The following OR5K1 variants were observed in gnomAD, a reference collection of about 807,000 sequenced individuals.
OR5K1 encodes olfactory receptor 5K1.
In OR5K1, 7 loss-of-function variants were observed where a neutral mutation model predicts 10.4. That is an observed-to-expected ratio of 0.67 (90% CI 0.38 to 1.26). The LOEUF is 1.26. OR5K1 is among the 50% of genes most tolerant of loss of function. The pLI is 0.02. For missense variants in OR5K1, 435 were observed against 366.2 expected (o/e 1.19, Z -1.53); for synonymous variants, 135 against 128.5 (o/e 1.05, Z -0.34).
At position 98,470,590 on chromosome 3, in the gene OR5K1, A is replaced by T. The variant is rs1230453630; in HGVS notation, c.*87A>T. On this transcript the variant is annotated 3_prime_UTR_variant, in exon 2 of 2. Transcript: ENST00000642057. ...ACTTCCATGTGAAATTACACAGGGG[A>T]AATGCATAAATTATAAGTAAAATTT... The T allele has an allele frequency of 2.8e-6, 2 of 704,460 alleles. No individual in the cohort carries two copies. The highest frequency in any genetic ancestry group is 4.6e-6 in the Non-Finnish European group (2 of 433,800). 43.6% of individuals were successfully genotyped at this position (704,460 alleles called of 1,614,324 possible).
intron 1 of OR5K1, among the ~76,000 whole-genome samples, chr3:98,468,164 G>A (rs537049683): frequency 1.1e-4 from 16 of 151,638 alleles, no homozygotes; most frequent in East Asian, 9.7e-4. Flanking sequence ...CCCCACTTCC[G>A]TCCACATTCC....
At chr3:98,468,970 G>A (rs1391468234) in intron 1 of OR5K1, among the ~76,000 whole-genome samples, 1 of 152,018 alleles carries the variant, frequency 6.6e-6, no homozygotes, top group Non-Finnish European at 1.5e-5. Flanking sequence ...AAGATAATCT[G>A]ATGTATTTCT....
chr3:98,463,832 C>A (rs1329118264), intron 1 of OR5K1, among the ~76,000 whole-genome samples: 1 of 151,876 alleles, frequency 6.6e-6, no homozygotes, highest in Non-Finnish European at 1.5e-5. Flanking sequence ...TCTATCTGAC[C>A]AATGGACAAC....
chr3:98,465,358 C>A (rs1401356482), intron 1 of OR5K1, among the ~76,000 whole-genome samples: 3 of 152,112 alleles, frequency 2.0e-5, no homozygotes, highest in African/African-American at 7.2e-5. Context: ...ACATTTATTT[C>A]ATCATAACTT....
intron 1 of OR5K1, among the ~76,000 whole-genome samples, chr3:98,465,262 A>G (rs1292466111): frequency 1.2e-4 from 19 of 152,080 alleles, no homozygotes. Context: ...TACATAACGT[A>G]TTTCTATCTA....
intron 1 of OR5K1, 78 bp from the exon 2 acceptor site, chr3:98,469,488 T>C: frequency 7.3e-7 from 1 of 1,363,804 alleles, no homozygotes; most frequent in Non-Finnish European, 1.0e-6. Flanking sequence ...GATGCTCTCC[T>C]TCCTTTAAGC....
At chr3:98,466,054 C>T (rs1026072990) in intron 1 of OR5K1, among the ~76,000 whole-genome samples, 15 of 152,032 alleles carry the variant, frequency 9.9e-5, no homozygotes, top group East Asian at 5.8e-4. Context: ...CCCGGTCCCC[C>T]GACCCCACCA....
In OR5K1 at chr3:98,470,408, T is replaced by C. The variant is rs1705433450; in HGVS notation, c.832T>C (p.Phe278Leu). Residue 278 changes from phenylalanine (F) to leucine (L), a missense_variant, in exon 2 of 2, where the codon TTT (phenylalanine) becomes CTT (leucine). By Grantham distance (22) the Phe-to-Leu change is conservative. Coordinates refer to ENST00000642057, the MANE Select transcript of OR5K1 (RefSeq NM_001004736.4). ...GDKDIPAAIL[F>L]TIVVPLLNPF... ...TAAAGATATACCAGCTGCAATTTTATTTACAATAGTAGTTCCCTTACTAAA... is the reference window on the plus strand; with the variant it reads ...TAAAGATATACCAGCTGCAATTTTACTTACAATAGTAGTTCCCTTACTAAA... 1.2e-6 allele frequency: 2 copies of C among 1,608,790 alleles called. No individual in the cohort carries two copies. The highest frequency in any genetic ancestry group is 1.7e-4 in the Middle Eastern group (1 of 6,040).
rs1705435135 is a variant in OR5K1 at position 98,470,469 on chromosome 3, TA to T, written c.895del (p.Ser299ValfsTer3). On this transcript the variant is annotated frameshift_variant, in exon 2 of 2. Transcript: ENST00000642057. LOFTEE classifies it high-confidence loss of function. ...FIYSLRNREVISVLRKILMKK is the reference protein window; with the variant it reads ...FIYSLRNREVXSVLRKILMKK ...TATAGCCTGAGAAATAGGGAAGTAA[TA>T]AGTGTCTTAAGAAAAATTCTGATGA... The T allele has an allele frequency of 3.8e-6, 6 of 1,570,540 alleles. No individual in the cohort carries two copies. In the East Asian group the frequency reaches 1.3e-4, roughly 35 times the overall value.
chr3:98,468,054 T>G (rs550903506), intron 1 of OR5K1, among the ~76,000 whole-genome samples: 1 of 152,232 alleles, frequency 6.6e-6, no homozygotes, highest in South Asian at 2.1e-4. Context: ...CATGCACACA[T>G]GAATAATTCT....
At chr3:98,464,808 T>C (rs759532528) in intron 1 of OR5K1, among the ~76,000 whole-genome samples, 49 of 152,252 alleles carry the variant, frequency 3.2e-4, no homozygotes, top group Admixed American at 1.2e-3. Flanking sequence ...GCCTGAATAG[T>C]TTGAGATGCA....
At chr3:98,469,129 G>A (rs1339291368) in intron 1 of OR5K1, among the ~76,000 whole-genome samples, 1 of 152,078 alleles carries the variant, frequency 6.6e-6, no homozygotes, top group Non-Finnish European at 1.5e-5. Flanking sequence ...CATGTCCTTT[G>A]TAGCAACATG....
chr3:98,469,425 C>T, intron 1 of OR5K1, 141 bp from the exon 2 acceptor site: 2 of 702,962 alleles, frequency 2.8e-6, no homozygotes, highest in Non-Finnish European at 4.7e-6. Flanking sequence ...TTCATTCTCC[C>T]CATGAATGGG....
chr3:98,470,258 A>C lies in OR5K1; in HGVS notation c.682A>C (p.Met228Leu), dbSNP rs1426308973. 1.2e-6 allele frequency: 2 copies of C among 1,613,282 alleles called. No individual in the cohort carries two copies. Among genetic ancestry groups the C allele is most frequent in the Admixed American group, 3.3e-5 (2 of 59,846 alleles). ...CTATATTCTTCTTACTATTTTCAAA[A>C]TGAAATCCAAAGAGGGAAGGGCCAA... is the stretch of plus-strand genomic sequence containing the variant. Reference protein sequence around the residue: ...YLYILLTIFKMKSKEGRAKAF... With the variant: ...YLYILLTIFKLKSKEGRAKAF... The change falls in exon 2 of 2, where the codon ATG becomes CTG. Residue 228 changes from methionine (M) to leucine (L), a missense_variant. By Grantham distance (15) the Met-to-Leu change is conservative. Coordinates refer to ENST00000642057, the MANE Select transcript of OR5K1 (RefSeq NM_001004736.4).
At chr3:98,467,812 G>A (rs1705391043) in intron 1 of OR5K1, among the ~76,000 whole-genome samples, 2 of 136,386 alleles carry the variant, frequency 1.5e-5, no homozygotes, top group Non-Finnish European at 1.6e-5. Flanking sequence ...TGAGACGATG[G>A]GGTTTTCTAG....
At chr3:98,468,809 T>A (rs367799659) in intron 1 of OR5K1, among the ~76,000 whole-genome samples, 1 of 152,150 alleles carries the variant, frequency 6.6e-6, no homozygotes, top group Admixed American at 6.6e-5. Flanking sequence ...TTAAACAACA[T>A]TGTTAATCAG....
At chr3:98,464,770 A>T (rs921684636) in intron 1 of OR5K1, among the ~76,000 whole-genome samples, 2 of 152,200 alleles carry the variant, frequency 1.3e-5, no homozygotes, top group Non-Finnish European at 2.9e-5. Flanking sequence ...TGACCTTAAG[A>T]TTGCATTACC....
Position 98,470,537 on chromosome 3 carries a change from A to G in OR5K1, c.*34A>G, listed in dbSNP as rs1482097036. 6 of 1,267,858 alleles carry G rather than the reference A, an allele frequency of 4.7e-6. No individual in the cohort carries two copies. The highest frequency in any genetic ancestry group is 6.7e-6 in the Non-Finnish European group (6 of 898,338). The allele number at this position is 1,267,858 out of a possible 1,614,324, so 78.5% of individuals were successfully genotyped here. A position where few individuals can be genotyped will look rare whatever the true frequency, so the allele number is the denominator to read the frequency against. On this transcript the variant is annotated 3_prime_UTR_variant, in exon 2 of 2. Transcript: ENST00000642057. ...AAGATGGAAACAAGTGACATCTACT[A>G]TAGCTTAATGATTTAAATGCAGCAA...
At position 98,469,681 on chromosome 3, in the gene OR5K1, T is replaced by A. The variant is rs183266052; in HGVS notation, c.105T>A (p.Tyr35Ter). The stretch of plus-strand genomic sequence containing the variant: ...TGTTTGTGGTGTTCTTTGCCATCTA[T>A]CTGATCACCGTGGTGGGGAATATTA... ...TLLFVVFFAI[Y>*]LITVVGNISL... Residue 35 changes from tyrosine (Y) to a stop codon, truncating the protein, a stop_gained, in exon 2 of 2, where the codon TAT (tyrosine) becomes TAA (stop). Transcript: ENST00000642057. LOFTEE classifies it low-confidence loss of function (END_TRUNC). The A allele has an allele frequency of 6.2e-7, 1 of 1,613,740 alleles. No homozygotes were observed. The highest frequency in any genetic ancestry group is 8.5e-7 in the Non-Finnish European group (1 of 1,179,778).
Sources: gnomAD v4.1 joint callset for allele counts (sites outside exome capture counted in the v4.1 genomes callset) on GRCh38, gnomAD v4.1.1 for gene constraint, MANE v1.5 for transcripts, NCBI Gene and HGNC (gene_info 2026-07-23, HGNC 2026-07-21) for gene names.